Variants in LMAN1L observed in about 807,000 individuals in gnomAD.
The protein encoded by LMAN1L is lectin, mannose binding 1 like.
In LMAN1L, 60 loss-of-function variants were observed where a neutral mutation model predicts 58.3. That is an observed-to-expected ratio of 1.03 (90% CI 0.84 to 1.27). The LOEUF (loss-of-function observed/expected upper bound fraction) is 1.27. Among genes scored for constraint, LMAN1L ranks in the 50% most tolerant of loss-of-function variants. The probability of loss-of-function intolerance (pLI) is 0.00; values close to 1 mark genes in which losing one functional copy is unlikely to be tolerated. For synonymous variants in LMAN1L, 280 were observed against 271.6 expected (o/e 1.03, Z -0.31); for missense variants, 629 against 674.0 (o/e 0.93, Z 0.74).
At chr15:74,820,893 C>A in intron 8 of LMAN1L, 126 bp downstream of exon 8, 1 of 1,394,514 alleles carries the variant, frequency 7.2e-7, no homozygotes, top group South Asian at 1.5e-5. Context: ...TAAGCAGGCC[C>A]TGGGCCCAAG....
chr15:74,812,913 C>G lies in LMAN1L; in HGVS notation c.59C>G (p.Pro20Arg), dbSNP rs373425421. 6.2e-7 allele frequency: 1 copy of G among 1,613,798 alleles called. No individual in the cohort carries two copies. The highest frequency in any genetic ancestry group is 8.5e-7 in the Non-Finnish European group (1 of 1,179,774). Residue 20 changes from proline (P) to arginine (R), a missense_variant, in exon 1 of 14, where the codon CCC becomes CGC. By Grantham distance (103) the Pro-to-Arg change is moderately radical. Coordinates refer to ENST00000309664, the MANE Select transcript of LMAN1L (RefSeq NM_021819.3). ...LFCLLLLLLDPHSPETGCPPL... is the reference protein window; with the variant it reads ...LFCLLLLLLDRHSPETGCPPL... ...TGCCTTCTCCTCCTGCTCCTGGACC[C>G]CCACAGCCCTGAGACGGGGTGTCCT...
In LMAN1L at chr15:74,816,641, G is replaced by A. The variant is rs1169916351; in HGVS notation, c.448G>A (p.Ala150Thr). ...SPAEDTQDSP[A>T]IRVLASDGHI... ...TCTCACCTCCCTGCAGGACAGTCCT[G>A]CCATCCGTGTGCTGGCCAGCGACGG... Residue 150 changes from alanine (A) to threonine (T), a missense_variant, in exon 4 of 14, where the codon GCC becomes ACC. This residue lies in a region of LMAN1L where 573 missense variants were observed against 597.3 expected (regional missense o/e 0.96). Transcript: ENST00000309664. 2 of 1,613,754 alleles carry A rather than the reference G, an allele frequency of 1.2e-6. No individual in the cohort carries two copies. The highest frequency in any genetic ancestry group is 1.7e-5 in the Admixed American group (1 of 59,996).
chr15:74,820,191 T>G (rs1236876438), intron 7 of LMAN1L, 92 bp downstream of exon 7: 1 of 1,145,972 alleles, frequency 8.7e-7, no homozygotes, highest in Non-Finnish European at 1.3e-6. Context: ...ATTCCAGCCC[T>G]TACCTCCACC....
In LMAN1L at chr15:74,819,006, G is replaced by C. The variant is rs1039180205; in HGVS notation, c.598-146G>C. ...ACTCACCCAGAGCACATACATGTAA[G>C]GGCTCACATGAGACCAGGAGTGCGG... is the stretch of plus-strand genomic sequence containing the variant. On this transcript the variant is annotated intron_variant, in intron 5 of 13. Transcript: ENST00000309664. 4.7e-6 allele frequency: 5 copies of C among 1,060,844 alleles called. No homozygotes were observed. The East Asian group carries it at 1.2e-4, about 25-fold the overall frequency. The allele number at this position is 1,060,844 out of a possible 1,614,324, so 65.7% of individuals were successfully genotyped here.
rs377182349 is a variant in LMAN1L, at chr15:74,821,176, T to C, written c.1009T>C (p.Trp337Arg). The change falls in exon 9 of 14, where the codon TGG (tryptophan) becomes CGG (arginine). Residue 337 changes from tryptophan (W) to arginine (R), a missense_variant. Coordinates refer to ENST00000309664, the MANE Select transcript of LMAN1L (RefSeq NM_021819.3). ...GCAGCTGGCCCAGGCTGAGAGACAA[T>C]GGAAGAAGCAGCTGGGGCCCCCAGG... ...SKQLAQAERQWKKQLGPPGQA... is the reference protein window; with the variant it reads ...SKQLAQAERQRKKQLGPPGQA... 1.3e-6 allele frequency: 2 copies of C among 1,551,508 alleles called. No homozygotes were observed. The highest frequency in any genetic ancestry group is 2.4e-5 in the East Asian group (1 of 41,332).
Position 74,825,713 on chromosome 15 carries a change from C to T in LMAN1L, c.*108C>T. ...TGCCCAGCTCCCACGCACACCTGAG[C>T]TTTCGGCATGCTCCCACCTCGTTAA... is the stretch of plus-strand genomic sequence containing the variant. On this transcript the variant is annotated 3_prime_UTR_variant, in exon 14 of 14. Transcript: ENST00000309664. 1 of 1,110,144 alleles carries T rather than the reference C, an allele frequency of 9.0e-7. No individual in the cohort carries two copies. The allele number at this position is 1,110,144 out of a possible 1,614,324, so 68.8% of individuals were successfully genotyped here. A position where few individuals can be genotyped will look rare whatever the true frequency, so the allele number is the denominator to read the frequency against.
intron 4 of LMAN1L, 99 bp downstream of exon 4, chr15:74,816,789 G>T: frequency 8.4e-7 from 1 of 1,184,960 alleles, no homozygotes; most frequent in South Asian, 1.5e-5. Context: ...TCCAGCAGGG[G>T]GCCCACCCTG....
chr15:74,820,904 T>C (rs2063913592), intron 8 of LMAN1L, 137 bp downstream of exon 8: 1 of 1,359,916 alleles, frequency 7.4e-7, no homozygotes, highest in African/African-American at 1.5e-5. Context: ...TGGGCCCAAG[T>C]GTTCTGTGCT....
chr15:74,820,985 C>T, intron 8 of LMAN1L, 90 bp from the exon 9 acceptor site: 3 of 1,427,064 alleles, frequency 2.1e-6, no homozygotes, highest in Non-Finnish European at 2.8e-6. Flanking sequence ...CCTTCTGGCA[C>T]CCCTCTCCAA....
chr15:74,822,568 G>C, intron 10 of LMAN1L, 74 bp from the exon 11 acceptor site: 2 of 1,225,620 alleles, frequency 1.6e-6, no homozygotes, highest in South Asian at 2.5e-5. Flanking sequence ...AGGCTGCAGT[G>C]CCGCTGGGAA....
intron 1 of LMAN1L, among the ~76,000 whole-genome samples, chr15:74,813,688 C>T (rs765014538): frequency 6.6e-5 from 10 of 152,194 alleles, no homozygotes; most frequent in Non-Finnish European, 1.3e-4. Context: ...TAGAGTGGAG[C>T]GTGAAATAGT....
intron 11 of LMAN1L, 76 bp downstream of exon 11, chr15:74,822,785 C>T (rs945833088): frequency 9.0e-7 from 1 of 1,112,966 alleles, no homozygotes; most frequent in Non-Finnish European, 1.4e-6. Context: ...TTCATTCCTT[C>T]CATCATTTCC....
At chr15:74,822,569 C>A (rs575573382) in intron 10 of LMAN1L, 73 bp from the exon 11 acceptor site, 3 of 1,239,166 alleles carry the variant, frequency 2.4e-6, no homozygotes, top group African/African-American at 3.0e-5. Flanking sequence ...GGCTGCAGTG[C>A]CGCTGGGAAG....
chr15:74,813,395 C>T (rs993241555), intron 1 of LMAN1L: 40 of 466,112 alleles, frequency 8.6e-5, no homozygotes, highest in African/African-American at 5.4e-4. Flanking sequence ...CAGCACAAAC[C>T]TCCACTCTCC....
intron 9 of LMAN1L, 49 bp downstream of exon 9, chr15:74,821,275 G>A (rs1245216465): frequency 1.9e-6 from 3 of 1,539,864 alleles, no homozygotes; most frequent in Non-Finnish European, 1.8e-6. Flanking sequence ...GCCTGAAAGA[G>A]GAGCAAGCAC....
At position 74,820,631 on chromosome 15, in the gene LMAN1L, C is replaced by T. The variant is rs1404977402; in HGVS notation, c.775-4C>T. On this transcript the variant is annotated splice_polypyrimidine_tract_variant and splice_region_variant and intron_variant, in intron 7 of 13. Transcript: ENST00000309664. ...GGGCCCGACTTTCTGTCTTCCTCCC[C>T]TAGGTTCCCCCTCAGCCCTTCCTGG... 6.2e-7 allele frequency: 1 copy of T among 1,613,684 alleles called. No homozygotes were observed. The highest frequency in any genetic ancestry group is 8.5e-7 in the Non-Finnish European group (1 of 1,179,968).
intron 4 of LMAN1L, among the ~76,000 whole-genome samples, chr15:74,818,116 G>A (rs1222217446): frequency 6.6e-6 from 1 of 152,016 alleles, no homozygotes; most frequent in African/African-American, 2.4e-5. Flanking sequence ...CTGTATTGTT[G>A]GTCCAGGCCT....
At chr15:74,820,976 CT>C in intron 8 of LMAN1L, 98 bp from the exon 9 acceptor site, 3 of 1,407,860 alleles carry the variant, frequency 2.1e-6, no homozygotes, top group Non-Finnish European at 2.8e-6. Flanking sequence ...GCAGCCACAC[CT>C]TCTGGCACCC....
At chr15:74,818,945 C>A (rs907482144) in intron 5 of LMAN1L, 128 bp downstream of exon 5, 1 of 993,788 alleles carries the variant, frequency 1.0e-6, no homozygotes, top group Non-Finnish European at 1.5e-6. Flanking sequence ...GGCCAACATC[C>A]ACAGGGGATC....
Sources: gnomAD v4.1 joint callset for allele counts (sites outside exome capture counted in the v4.1 genomes callset) on GRCh38, gnomAD v4.1.1 for gene constraint, gnomAD v4.1.1 regional missense constraint, MANE v1.5 for transcripts, NCBI Gene and HGNC (gene_info 2026-07-23, HGNC 2026-07-21) for gene names.